Variants in COL11A1 observed in about 807,000 individuals in gnomAD.
COL11A1 encodes collagen type XI alpha 1 chain.
Under a neutral mutation model 265.2 loss-of-function variants are expected in COL11A1, and 74 were observed. The ratio of observed to expected loss-of-function variants is 0.28; its 90% CI spans 0.23 to 0.34. The LOEUF is 0.34. Among genes scored for constraint, COL11A1 ranks in the 10% least tolerant of loss-of-function variants. The probability of loss-of-function intolerance (pLI) is 1.00; values close to 1 mark genes in which losing one functional copy is unlikely to be tolerated. For missense variants in COL11A1, 2,165 were observed against 2,263.6 expected, an observed-to-expected ratio of 0.96 and a Z score of 0.88; for synonymous variants, 816 against 727.6, an observed-to-expected ratio of 1.12 and a Z score of -1.96.
intron 4 of COL11A1, among the ~76,000 whole-genome samples, chr1:103,040,500 C>T (rs1668725753): frequency 6.6e-6 from 1 of 151,224 alleles, no homozygotes; most frequent in Non-Finnish European, 1.5e-5. Context: ...ATTTAAATTA[C>T]AATTCTAAAA....
At chr1:103,053,325 G>C (rs1415061389) in intron 4 of COL11A1, among the ~76,000 whole-genome samples, 1 of 152,092 alleles carries the variant, frequency 6.6e-6, no homozygotes, top group Admixed American at 6.5e-5. Flanking sequence ...GGTCAATAAA[G>C]TCCCAAAATA....
chr1:103,034,003 C>A (rs12076301), intron 4 of COL11A1, among the ~76,000 whole-genome samples: 1 of 152,028 alleles, frequency 6.6e-6, no homozygotes, highest in African/African-American at 2.4e-5. Context: ...CCCCCTACCC[C>A]CCAGAACTAT....
rs867561896 is a variant in COL11A1, at chr1:103,025,668, T to C, written c.898-55A>G. 3.2e-6 allele frequency: 5 copies of C among 1,575,282 alleles called. No homozygotes were observed. In the Admixed American group the frequency reaches 5.0e-5, roughly 16 times the overall value. The stretch of plus-strand genomic sequence containing the variant: ...AACATGTAAGGTGATCCCAAATGTA[T>C]GGAAATCATGATTTAATTGGGTTAT... On this transcript the variant is annotated intron_variant, in intron 6 of 66. Coordinates refer to ENST00000370096, the MANE Select transcript of COL11A1 (RefSeq NM_001854.4).
intron 15 of COL11A1, among the ~76,000 whole-genome samples, chr1:103,006,881 A>T (rs1305347627): frequency 6.6e-6 from 1 of 152,132 alleles, no homozygotes; most frequent in Non-Finnish European, 1.5e-5. Context: ...AAATAAAAGA[A>T]ATAATTACAC....
intron 1 of COL11A1, among the ~76,000 whole-genome samples, chr1:103,104,387 C>T (rs1333132230): frequency 1.3e-5 from 2 of 152,022 alleles, no homozygotes; most frequent in East Asian, 1.9e-4. Context: ...GATAACTTAA[C>T]ATGAACAACC....
intron 1 of COL11A1, among the ~76,000 whole-genome samples, chr1:103,106,457 G>T (rs1002039583): frequency 3.9e-5 from 6 of 152,090 alleles, no homozygotes. Flanking sequence ...GACTTACAGA[G>T]GCCTCATGTC....
At chr1:103,101,791 A>T (rs1489942021) in intron 1 of COL11A1, among the ~76,000 whole-genome samples, 3 of 152,090 alleles carry the variant, frequency 2.0e-5, no homozygotes, top group African/African-American at 7.2e-5. Flanking sequence ...ATTGTGCTAA[A>T]GCACTTTTAC....
chr1:103,009,244 T>C (rs1164245411), intron 14 of COL11A1, among the ~76,000 whole-genome samples: 2 of 151,992 alleles, frequency 1.3e-5, no homozygotes, highest in African/African-American at 4.8e-5. Context: ...TGAAACTCCG[T>C]CTCTACTAAA....
chr1:103,061,733 TAGAAAAG>T lies in COL11A1; in HGVS notation c.651+12878_651+12884del, dbSNP rs1421995653. 3.9e-5 allele frequency among the ~76,000 whole-genome samples: 6 copies of T among 152,032 alleles called. No homozygotes were observed. The East Asian group carries it at 9.6e-4, about 24-fold the overall frequency. On this transcript the variant is annotated intron_variant, in intron 4 of 66. Transcript: ENST00000370096. ...AATCTATAGCATTGAATGAATATATTAGAAAAGAGGAAAGATCTAAAATCAACTGTCT... is the reference window on the plus strand; with the variant it reads ...AATCTATAGCATTGAATGAATATATTAGGAAAGATCTAAAATCAACTGTCT...
chr1:103,081,273 T>C (rs1455284423), intron 2 of COL11A1, among the ~76,000 whole-genome samples: 2 of 151,890 alleles, frequency 1.3e-5, no homozygotes. Flanking sequence ...AATTGTAACC[T>C]GTAATCTGAG....
At chr1:103,042,529 C>G (rs1308104078) in intron 4 of COL11A1, among the ~76,000 whole-genome samples, 4 of 152,056 alleles carry the variant, frequency 2.6e-5, no homozygotes, top group African/African-American at 9.7e-5. Context: ...TCACCAGACT[C>G]TCCCGCAGGT....
intron 36 of COL11A1, among the ~76,000 whole-genome samples, chr1:102,974,021 C>A (rs2101648079): frequency 6.6e-6 from 1 of 152,272 alleles, no homozygotes; most frequent in East Asian, 1.9e-4. Flanking sequence ...GACTTGGCCC[C>A]TGCCCCTCTC....
intron 65 of COL11A1, 149 bp downstream of exon 65, chr1:102,881,548 A>C (rs1290713468): frequency 1.2e-5 from 8 of 680,002 alleles, no homozygotes; most frequent in Non-Finnish European, 1.6e-5. Context: ...ACAGTGGTCT[A>C]AGAGATATTA....
chr1:103,032,761 A>G (rs2102003829), intron 4 of COL11A1, among the ~76,000 whole-genome samples: 1 of 152,214 alleles, frequency 6.6e-6, no homozygotes, highest in African/African-American at 2.4e-5. Context: ...CACCCTTAGA[A>G]TTAGGATTTA....
At chr1:102,981,328 G>A (rs563928114) in intron 31 of COL11A1, among the ~76,000 whole-genome samples, 1 of 151,966 alleles carries the variant, frequency 6.6e-6, no homozygotes, top group African/African-American at 2.4e-5. Context: ...GTCTAGCACA[G>A]TATTACTATG....
intron 54 of COL11A1, among the ~76,000 whole-genome samples, chr1:102,908,062 C>A (rs981682064): frequency 2.6e-5 from 4 of 152,042 alleles, no homozygotes; most frequent in African/African-American, 4.8e-5. Context: ...AAACATTCTT[C>A]CCAATACTTG....
rs140698662 is a variant in COL11A1, at chr1:103,093,612, G to T, written c.107-10640C>A. 2.0e-5 allele frequency among the ~76,000 whole-genome samples: 3 copies of T among 152,224 alleles called. No individual in the cohort carries two copies. The East Asian group carries it at 5.8e-4, about 29-fold the overall frequency. Reference sequence around the variant, plus strand: ...AAGCCTTGAAGGGAAAAGATAAACAGGAATGCCTGTCTTTCGGTAGTACAA... The same window carrying T: ...AAGCCTTGAAGGGAAAAGATAAACATGAATGCCTGTCTTTCGGTAGTACAA... On this transcript the variant is annotated intron_variant, in intron 1 of 66. Transcript: ENST00000370096.
chr1:102,888,868 G>A lies in COL11A1; in HGVS notation c.4516C>T (p.Pro1506Ser), dbSNP rs779536838. Residue 1506 changes from proline to serine, a missense_variant and splice_region_variant, in exon 60 of 67, where the codon CCA (proline) becomes TCA (serine). Physicochemically the swap from Pro to Ser is moderately conservative, Grantham distance 74. Transcript: ENST00000370096. ...AGGTTATTTTGTCTTGTACTTACTG[G>A]TAAACCTGGAGGACCAGGTGGACCT... ...PLGPPGPPGL[P>S]GPQGPKGNKG... The A allele has an allele frequency of 6.2e-7, 1 of 1,612,714 alleles. No homozygotes were observed. Among genetic ancestry groups the A allele is most frequent in the Admixed American group, 1.7e-5 (1 of 59,952 alleles).
chr1:102,916,942 A>G (rs1197454277), intron 49 of COL11A1, among the ~76,000 whole-genome samples: 1 of 151,968 alleles, frequency 6.6e-6, no homozygotes, highest in Non-Finnish European at 1.5e-5. Flanking sequence ...TGAAACAAGT[A>G]GTTTGGCATT....
Sources: gnomAD v4.1 joint callset for allele counts (sites outside exome capture counted in the v4.1 genomes callset) on GRCh38, gnomAD v4.1.1 for gene constraint, MANE v1.5 for transcripts, NCBI Gene and HGNC (gene_info 2026-07-23, HGNC 2026-07-21) for gene names.